The following SH3BGR variants were observed in gnomAD, a reference collection of about 807,000 sequenced individuals.
The protein encoded by SH3BGR is SH3 domain binding glutamate rich protein, also known as SH3 domain-binding glutamic acid-rich protein.
Under a neutral mutation model 24.5 loss-of-function variants are expected in SH3BGR, and 29 were observed. That is an observed-to-expected ratio of 1.18 (90% confidence interval 0.88 to 1.61). The LOEUF (loss-of-function observed/expected upper bound fraction) is 1.61. Among genes scored for constraint, SH3BGR ranks in the 40% most tolerant of loss-of-function variants. The pLI is 0.00. For missense variants in SH3BGR, 162 were observed against 205.8 expected (o/e 0.79, Z 1.30); for synonymous variants, 55 against 65.7 (o/e 0.84, Z 0.79).
chr21:39,497,445 T>G (rs1028642835), intron 3 of SH3BGR, among the ~76,000 whole-genome samples: 3 of 151,756 alleles, frequency 2.0e-5, no homozygotes, highest in African/African-American at 7.2e-5. Flanking sequence ...AGAATAAAAG[T>G]TAGATAAATT....
intron 6 of SH3BGR, among the ~76,000 whole-genome samples, chr21:39,512,820 A>G (rs1828784935): frequency 1.3e-5 from 2 of 152,070 alleles, no homozygotes; most frequent in African/African-American, 2.4e-5. Flanking sequence ...AAAAAACAAA[A>G]CAAAACAAAA....
At chr21:39,488,890 C>T (rs77655027) in intron 3 of SH3BGR, 4,716 of 159,320 alleles carry the variant, frequency 0.03, 256 homozygotes, top group African/African-American at 0.11. Flanking sequence ...CAGCACCCTT[C>T]CCATCTTGTC....
Position 39,511,954 on chromosome 21 carries a change from T to A in SH3BGR, c.*34+145T>A. ...CAAAGCCCTGGTCTGCACACCTTTC[T>A]GGCGGGGTCCAGCTCCTTTCTAGAG... On this transcript the variant is annotated intron_variant, in intron 6 of 6. Transcript: ENST00000333634. This position sits in a 1 kb window ranked among gnomAD's most constrained non-coding sequence, Gnocchi z 4.2. The A allele has an allele frequency of 1.4e-6, 1 of 728,556 alleles. No homozygotes were observed. Among genetic ancestry groups the A allele is most frequent in the Non-Finnish European group, 2.1e-6 (1 of 485,090 alleles). 45.1% of individuals were successfully genotyped at this position (728,556 alleles called of 1,614,324 possible). A position where few individuals can be genotyped will look rare whatever the true frequency, so the allele number is the denominator to read the frequency against.
intron 3 of SH3BGR, among the ~76,000 whole-genome samples, chr21:39,477,457 A>G (rs768048355): frequency 9.9e-5 from 15 of 152,194 alleles, no homozygotes; most frequent in African/African-American, 2.4e-4. Context: ...CACTATGCTT[A>G]TATTTTTGAA....
chr21:39,490,788 G>A (rs891308828), intron 3 of SH3BGR, among the ~76,000 whole-genome samples: 3 of 151,298 alleles, frequency 2.0e-5, no homozygotes, highest in African/African-American at 7.3e-5. Context: ...GAGTGCGGTG[G>A]CATGATCATA....
chr21:39,480,680 G>T (rs774048441), intron 3 of SH3BGR, among the ~76,000 whole-genome samples: 1 of 152,226 alleles, frequency 6.6e-6, no homozygotes, highest in South Asian at 2.1e-4. Flanking sequence ...TTGTTTAATC[G>T]ATTTCCAATA....
At chr21:39,472,129 A>G (rs2077951064) in intron 2 of SH3BGR, among the ~76,000 whole-genome samples, 3 of 152,142 alleles carry the variant, frequency 2.0e-5, no homozygotes, top group Admixed American at 6.5e-5. Flanking sequence ...TAAAAACTTT[A>G]TTAGTGGCTA....
rs1247014959 is a variant in SH3BGR, at chr21:39,473,695, G to A, written c.232-1440G>A. ...GGGTCAGGAGTTTGAGACCAGCCTG[G>A]CCAACATGGTGAAACCCCGTCTCTA... On this transcript the variant is annotated intron_variant, in intron 2 of 6. Transcript: ENST00000333634. 3.3e-5 allele frequency among the ~76,000 whole-genome samples: 5 copies of A among 152,026 alleles called. No individual in the cohort carries two copies. The East Asian group carries it at 9.8e-4, about 30-fold the overall frequency.
intron 1 of SH3BGR, among the ~76,000 whole-genome samples, chr21:39,461,994 G>A (rs541621158): frequency 1.6e-4 from 25 of 152,066 alleles, no homozygotes; most frequent in South Asian, 1.0e-3. Context: ...GATTACAGGC[G>A]TGTGCTACCA....
intron 2 of SH3BGR, among the ~76,000 whole-genome samples, chr21:39,471,479 T>TCA (rs2077939689): frequency 6.6e-6 from 1 of 152,192 alleles, no homozygotes; most frequent in African/African-American, 2.4e-5. Context: ...GGTTTTCCCC[T>TCA]ATAATCTGTA....
intron 3 of SH3BGR, among the ~76,000 whole-genome samples, chr21:39,485,663 G>A (rs1444987300): frequency 6.6e-6 from 1 of 151,488 alleles, no homozygotes; most frequent in East Asian, 1.9e-4. Context: ...CTAAGTCCAC[G>A]GATATGGTCT....
At chr21:39,453,114 T>C (rs541158373) in intron 1 of SH3BGR, among the ~76,000 whole-genome samples, 24 of 152,310 alleles carry the variant, frequency 1.6e-4, no homozygotes, top group Non-Finnish European at 2.5e-4. Flanking sequence ...GAGTAAGCCA[T>C]TGGCTGGGGT....
intron 3 of SH3BGR, among the ~76,000 whole-genome samples, chr21:39,481,350 T>C (rs2078127953): frequency 6.6e-6 from 1 of 152,098 alleles, no homozygotes; most frequent in Non-Finnish European, 1.5e-5. Context: ...ACTTAACAGA[T>C]ATTGCGAAGC....
chr21:39,511,572 TG>T lies in SH3BGR; in HGVS notation c.436-104del. On this transcript the variant is annotated intron_variant, in intron 5 of 6. Coordinates refer to ENST00000333634, the MANE Select transcript of SH3BGR (RefSeq NM_007341.3). The surrounding 1 kb of genome is among the most constrained non-coding windows in gnomAD (Gnocchi z 4.2). ...GTGTGTTTGTTTGTGTGTTGTGTGG[TG>T]GGGTGTGGGAGGCTTTGACCTCTAG... 2 of 954,542 alleles carry T rather than the reference TG, an allele frequency of 2.1e-6. No homozygotes were observed. Among genetic ancestry groups the T allele is most frequent in the South Asian group, 1.6e-5 (1 of 61,580 alleles). The allele number at this position is 954,542 out of a possible 1,614,324, so 59.1% of individuals were successfully genotyped here. A position where few individuals can be genotyped will look rare whatever the true frequency, so the allele number is the denominator to read the frequency against.
At chr21:39,456,259 A>G (rs1289012988) in intron 1 of SH3BGR, among the ~76,000 whole-genome samples, 1 of 152,088 alleles carries the variant, frequency 6.6e-6, no homozygotes, top group Non-Finnish European at 1.5e-5. Context: ...AAGAGCAGAC[A>G]GGGGTTTGGA....
chr21:39,480,593 C>T (rs1482016990), intron 3 of SH3BGR, among the ~76,000 whole-genome samples: 1 of 152,206 alleles, frequency 6.6e-6, no homozygotes, highest in Non-Finnish European at 1.5e-5. Flanking sequence ...ACATCCATTC[C>T]TCAGTGGCTG....
At chr21:39,489,355 G>A (rs1384471380) in intron 3 of SH3BGR, among the ~76,000 whole-genome samples, 4 of 152,244 alleles carry the variant, frequency 2.6e-5, no homozygotes, top group Non-Finnish European at 5.9e-5. Flanking sequence ...CATTTGGTTT[G>A]AAGAAGGAAA....
chr21:39,482,723 G>A (rs1210588590), intron 3 of SH3BGR, among the ~76,000 whole-genome samples: 1 of 151,932 alleles, frequency 6.6e-6, no homozygotes, highest in African/African-American at 2.4e-5. Flanking sequence ...AGGCTGGAAT[G>A]CGGTTGCGCA....
intron 2 of SH3BGR, among the ~76,000 whole-genome samples, chr21:39,470,551 C>A (rs1239918827): frequency 6.6e-6 from 1 of 152,180 alleles, no homozygotes; most frequent in Non-Finnish European, 1.5e-5. Context: ...TGTGAGCCAC[C>A]ACACCCAGTC....
Sources: gnomAD v4.1 joint callset for allele counts (sites outside exome capture counted in the v4.1 genomes callset) on GRCh38, gnomAD v4.1.1 for gene constraint, Gnocchi (gnomAD v3.1) non-coding constraint, MANE v1.5 for transcripts, NCBI Gene and HGNC (gene_info 2026-07-23, HGNC 2026-07-21) for gene names.